The following BCCIP variants were observed in gnomAD, a reference collection of about 807,000 sequenced individuals.
BCCIP encodes BRCA2 and CDKN1A-interacting protein.
Under a neutral mutation model 32.8 loss-of-function variants are expected in BCCIP, and 23 were observed. That is an observed-to-expected ratio of 0.70 (90% confidence interval 0.51 to 0.99). The LOEUF (loss-of-function observed/expected upper bound fraction) is 0.99. Ranked by LOEUF, BCCIP falls within the 50% of genes least tolerant of loss-of-function variation. The probability of loss-of-function intolerance (pLI) is 0.00; values close to 1 mark genes in which losing one functional copy is unlikely to be tolerated. For missense variants in BCCIP, 378 were observed against 379.8 expected, an observed-to-expected ratio of 1.00 and a Z score of 0.04; for synonymous variants, 144 against 137.6, an observed-to-expected ratio of 1.05 and a Z score of -0.33.
chr10:125,847,932 G>A (rs1210759961), intron 7 of BCCIP, among the ~76,000 whole-genome samples: 2 of 152,124 alleles, frequency 1.3e-5, no homozygotes, highest in Non-Finnish European at 2.9e-5. Context: ...ATGCTCGCTT[G>A]CCCCCCACTC....
chr10:125,845,545 C>T (rs1273150048), downstream of BCCIP, among the ~76,000 whole-genome samples: 1 of 152,206 alleles, frequency 6.6e-6, no homozygotes, highest in East Asian at 1.9e-4. Flanking sequence ...CAGGGGGTCT[C>T]CTGGTAACCA....
chr10:125,826,386 C>G (rs902348011), intron 1 of BCCIP: 12 of 714,376 alleles, frequency 1.7e-5, no homozygotes, highest in African/African-American at 1.1e-4. Flanking sequence ...GCTGCCGTGT[C>G]TGGTTTATTT....
At chr10:125,852,707 T>C in intron 7 of BCCIP, 2 of 1,415,630 alleles carry the variant, frequency 1.4e-6, no homozygotes, top group African/African-American at 1.4e-5. Flanking sequence ...TCACTGATCC[T>C]GAAGAGAATA....
intron 7 of BCCIP, among the ~76,000 whole-genome samples, chr10:125,848,774 G>A (rs1419289536): frequency 6.6e-6 from 1 of 152,124 alleles, no homozygotes; most frequent in Non-Finnish European, 1.5e-5. Flanking sequence ...TCACTCAGAC[G>A]ATGACTGTGC....
intron 4 of BCCIP, 128 bp from the exon 5 acceptor site, chr10:125,831,292 C>G: frequency 3.7e-6 from 3 of 809,626 alleles, no homozygotes; most frequent in South Asian, 1.8e-5. Flanking sequence ...TGAAGACATA[C>G]AAGACGTTAA....
intron 7 of BCCIP, chr10:125,852,255 C>G (rs1407779471): frequency 6.2e-7 from 1 of 1,605,118 alleles, no homozygotes; most frequent in Admixed American, 1.7e-5. Context: ...AGGTGAATCT[C>G]AGCCTAATGC....
chr10:125,844,180 AAG>A (rs965797736), downstream of BCCIP, among the ~76,000 whole-genome samples: 1 of 152,248 alleles, frequency 6.6e-6, no homozygotes, highest in Non-Finnish European at 1.5e-5. Flanking sequence ...ATGACATGAA[AAG>A]TAACAGCCGA....
intron 2 of BCCIP, among the ~76,000 whole-genome samples, chr10:125,827,024 A>G (rs1294445727): frequency 3.2e-5 from 4 of 125,484 alleles, no homozygotes; most frequent in East Asian, 2.4e-4. Flanking sequence ...AGGTCATTCA[A>G]TACAGGCTCT....
chr10:125,831,037 TG>T (rs1854510094), intron 4 of BCCIP, among the ~76,000 whole-genome samples: 1 of 152,242 alleles, frequency 6.6e-6, no homozygotes, highest in Non-Finnish European at 1.5e-5. Context: ...CTCTTTTTAT[TG>T]ATTCTCTGAT....
At position 125,827,558 on chromosome 10, in the gene BCCIP, CT is replaced by C; in HGVS notation, c.246del (p.Leu83Ter). The C allele has an allele frequency of 6.2e-7, 1 of 1,601,656 alleles. No homozygotes were observed. The highest frequency in any genetic ancestry group is 1.7e-5 in the Admixed American group (1 of 58,784). Reference sequence around the variant, plus strand: ...TAAAATAATTTTTTCCTCCTTTTAGCTTTTTCTAAAGGCTCCTGTGAACACT... The same window carrying C: ...TAAAATAATTTTTTCCTCCTTTTAGCTTTTCTAAAGGCTCCTGTGAACACT... ...YDGIKKLLQQLFLKAPVNTAE... is the reference protein window; with the variant it reads ...YDGIKKLLQQXFLKAPVNTAE... On this transcript the variant is annotated frameshift_variant and splice_region_variant, in exon 3 of 7. Coordinates refer to ENST00000278100, the MANE Select transcript of BCCIP (RefSeq NM_078468.3). LOFTEE classifies it high-confidence loss of function.
downstream of BCCIP, chr10:125,839,229 T>C: frequency 6.3e-7 from 1 of 1,598,294 alleles, no homozygotes; most frequent in Non-Finnish European, 8.6e-7. Flanking sequence ...AAATGATTTG[T>C]CAGAAGCTCT....
exon 8 of BCCIP, chr10:125,853,638 T>C: frequency 3.9e-6 from 1 of 255,290 alleles, no homozygotes; most frequent in Non-Finnish European, 7.4e-6. Flanking sequence ...TCAAACAATT[T>C]GCTTTGCTAG....
intron 3 of BCCIP, among the ~76,000 whole-genome samples, chr10:125,829,548 C>G (rs183062102): frequency 3.6e-4 from 55 of 152,190 alleles, no homozygotes; most frequent in African/African-American, 1.2e-3. Flanking sequence ...CACTAAAATT[C>G]GGACACTGAG....
At chr10:125,852,348 A>G in intron 7 of BCCIP, 1 of 1,614,216 alleles carries the variant, frequency 6.2e-7, no homozygotes, top group South Asian at 1.1e-5. Context: ...TCCTCTTCAT[A>G]AAAAGCACCA....
In BCCIP at chr10:125,823,816, C is replaced by T. The variant is rs529723791; in HGVS notation, c.165+94C>T. On this transcript the variant is annotated intron_variant, in intron 1 of 6. Coordinates refer to ENST00000278100, the MANE Select transcript of BCCIP (RefSeq NM_078468.3). ...AAAAATAGTGTAGGGTCTTCCCTGA[C>T]CCTGAGGGTCTGTGAGGAGAAACTG... 3.3e-5 allele frequency: 50 copies of T among 1,518,514 alleles called. No homozygotes were observed. The East Asian group carries it at 9.8e-4, about 30-fold the overall frequency. 94.1% of individuals were successfully genotyped at this position (1,518,514 alleles called of 1,614,324 possible).
chr10:125,831,797 T>C (rs1375921256), intron 5 of BCCIP, 190 bp downstream of exon 5: 1 of 474,426 alleles, frequency 2.1e-6, no homozygotes, highest in Non-Finnish European at 3.6e-6. Flanking sequence ...TTTGAAGAGT[T>C]TGTGACAATA....
At chr10:125,830,015 C>CT (rs1358306421) in intron 3 of BCCIP, among the ~76,000 whole-genome samples, 3 of 151,930 alleles carry the variant, frequency 2.0e-5, no homozygotes, top group South Asian at 2.1e-4. Context: ...AGGGGGTTCT[C>CT]TTTTTTCCCC....
chr10:125,824,978 C>T (rs1285880215), intron 1 of BCCIP, among the ~76,000 whole-genome samples: 1 of 152,242 alleles, frequency 6.6e-6, no homozygotes, highest in Non-Finnish European at 1.5e-5. Flanking sequence ...GAGGTGACAC[C>T]ATGGTGTGGG....
At chr10:125,836,574 A>G (rs1854692106), downstream of BCCIP, 2 of 1,400,688 alleles carry the variant, frequency 1.4e-6, no homozygotes, top group African/African-American at 2.9e-5. Context: ...TATTTTCTTC[A>G]AGACCGTCCT....
Sources: gnomAD v4.1 joint callset for allele counts (sites outside exome capture counted in the v4.1 genomes callset) on GRCh38, gnomAD v4.1.1 for gene constraint, MANE v1.5 for transcripts, NCBI Gene and HGNC (gene_info 2026-07-23, HGNC 2026-07-21) for gene names.